FARP2: variants seen among roughly 807,000 people sequenced by gnomAD.
The protein encoded by FARP2 is FERM, ARH/RhoGEF and pleckstrin domain protein 2.
A neutral mutation model predicts 130.5 loss-of-function variants in FARP2; 111 were observed. That is an observed-to-expected ratio of 0.85 (90% CI 0.73 to 1.00). The LOEUF (loss-of-function observed/expected upper bound fraction) is 1.00, where lower values mean the gene tolerates loss of function less well. FARP2 is among the 50% of genes least tolerant of loss of function. The pLI is 0.00. For missense variants in FARP2, 1,385 were observed against 1,346.3 expected, an observed-to-expected ratio of 1.03 and a Z score of -0.45; for synonymous variants, 504 against 516.9, an observed-to-expected ratio of 0.98 and a Z score of 0.34.
At chr2:241,446,262 G>GA (rs1487608346) in intron 13 of FARP2, 2 of 152,118 alleles carry the variant, frequency 1.3e-5, no homozygotes, top group African/African-American at 4.8e-5. Context: ...TATGGAATTA[G>GA]ATTAGGATTC....
rs2063947506 is a variant in FARP2, at chr2:241,459,225, C to T, written c.1587+2303C>T. On this transcript the variant is annotated intron_variant, in intron 14 of 26. Coordinates refer to ENST00000264042, the MANE Select transcript of FARP2 (RefSeq NM_014808.4). This position sits in a 1 kb window ranked among gnomAD's most constrained non-coding sequence, Gnocchi z 5.3. ...GTTCCCACCAGAGTACCCCTCTGTG[C>T]TGACCTCATGAACCAGTGTGCCCAG... is the stretch of plus-strand genomic sequence containing the variant. Among the ~76,000 whole-genome samples the T allele has an allele frequency of 6.6e-6, 1 of 152,242 alleles. No homozygotes were observed. Among genetic ancestry groups the T allele is most frequent in the East Asian group, 1.9e-4 (1 of 5,202 alleles).
chr2:241,397,291 A>G (rs1161922591), intron 2 of FARP2, among the ~76,000 whole-genome samples: 3 of 152,152 alleles, frequency 2.0e-5, no homozygotes, highest in Non-Finnish European at 2.9e-5. Flanking sequence ...ATATGTAACT[A>G]ACCTGCACAT....
chr2:241,404,861 CTTTA>C lies in FARP2; in HGVS notation c.331+21_331+24del, dbSNP rs1408807105. The C allele has an allele frequency of 6.3e-7, 1 of 1,588,096 alleles. No individual in the cohort carries two copies. The highest frequency in any genetic ancestry group is 1.7e-5 in the Admixed American group (1 of 59,940). ...TACGAAGTAAGTCCTTGGTTTGACT[CTTTA>C]AAATCTGTTTGTTTAAGATGTGTTG... On this transcript the variant is annotated intron_variant, in intron 4 of 26. Transcript: ENST00000264042.
chr2:241,410,534 G>A (rs575592538), intron 5 of FARP2, among the ~76,000 whole-genome samples: 3 of 151,682 alleles, frequency 2.0e-5, no homozygotes, highest in Admixed American at 1.3e-4. Flanking sequence ...GGGTTCAGGC[G>A]ATTCTCCTGC....
In FARP2 at chr2:241,475,922, C is replaced by G. The variant is rs1471024782; in HGVS notation, c.2197C>G (p.Leu733Val). 1 of 1,614,080 alleles carries G rather than the reference C, an allele frequency of 6.2e-7. No homozygotes were observed. Among genetic ancestry groups the G allele is most frequent in the South Asian group, 1.1e-5 (1 of 91,066 alleles). The change falls in exon 19 of 27, where the codon CTG becomes GTG. Residue 733 changes from leucine to valine, a missense_variant. Transcript: ENST00000264042. The surrounding 1 kb of genome is among the most constrained non-coding windows in gnomAD (Gnocchi z 4.4). Reference sequence around the variant, plus strand: ...GCACATTCTCATCCGGCTGGAGAACCTGCAGAAGCTAACGGAGCTGCAGCG... The same window carrying G: ...GCACATTCTCATCCGGCTGGAGAACGTGCAGAAGCTAACGGAGCTGCAGCG... ...LQHILIRLEN[L>V]QKLTELQRDL...
chr2:241,424,300 T>G (rs1175079595), intron 8 of FARP2, among the ~76,000 whole-genome samples: 5 of 152,152 alleles, frequency 3.3e-5, no homozygotes, highest in African/African-American at 1.2e-4. Flanking sequence ...AACTCAAGAT[T>G]TAAACATTCA....
intron 1 of FARP2, 26 bp from the exon 2 acceptor site, chr2:241,373,058 T>G: frequency 2.8e-5 from 33 of 1,168,196 alleles, no homozygotes; most frequent in Non-Finnish European, 3.6e-5. Flanking sequence ...AATTCCTTCA[T>G]GTGGTTTTTT....
At chr2:241,356,633 C>T (rs1003991557) in intron 1 of FARP2, among the ~76,000 whole-genome samples, 2 of 152,020 alleles carry the variant, frequency 1.3e-5, no homozygotes, top group Admixed American at 1.3e-4. Context: ...GGCGGTGGGC[C>T]GGGGAGTGGC....
chr2:241,420,141 G>A (rs984595407), intron 8 of FARP2, among the ~76,000 whole-genome samples: 30 of 152,208 alleles, frequency 2.0e-4, no homozygotes, highest in African/African-American at 7.0e-4. Context: ...CCTTGAGTGA[G>A]ACCCTGTCTC....
chr2:241,428,771 A>G (rs1265596653), intron 8 of FARP2, among the ~76,000 whole-genome samples: 1 of 152,188 alleles, frequency 6.6e-6, no homozygotes. Context: ...TCCCAAAAAG[A>G]GACCCTCATA....
chr2:241,444,758 C>A (rs2063474442), intron 13 of FARP2: 1 of 152,136 alleles, frequency 6.6e-6, no homozygotes, highest in African/African-American at 2.4e-5. Context: ...GTTAATGGAA[C>A]CTCACTTTCT....
At chr2:241,471,201 T>C (rs1032225098) in intron 18 of FARP2, 2 of 151,790 alleles carry the variant, frequency 1.3e-5, no homozygotes, top group Non-Finnish European at 2.9e-5. Context: ...GGGACCCTGT[T>C]ATAACGGGAT....
chr2:241,375,896 G>A (rs1575470008), intron 2 of FARP2, among the ~76,000 whole-genome samples: 1 of 152,080 alleles, frequency 6.6e-6, no homozygotes, highest in African/African-American at 2.4e-5. Context: ...CCAGCTTGGG[G>A]TATTTTTTAC....
At chr2:241,446,542 G>A (rs937393298) in intron 13 of FARP2, 2 of 152,168 alleles carry the variant, frequency 1.3e-5, no homozygotes, top group Non-Finnish European at 2.9e-5. Flanking sequence ...TGATCACATG[G>A]TGACATACAT....
In FARP2 at chr2:241,441,333, T is replaced by A. The variant is rs2302015; in HGVS notation, c.1188T>A (p.Thr396=). The A allele has an allele frequency of 0.026, 41,111 of 1,609,934 alleles. 4,700 individuals carry two copies. The Admixed American group carries it at 0.31, about 12-fold the overall frequency. The change falls in exon 13 of 27, where the codon ACT becomes ACA. Residue 396 remains threonine (T), a synonymous_variant. Transcript: ENST00000264042. ...QSISFPEGLR[T]PASPSSANAF... ...TCTCATTCCCCGAGGGATTGAGGAC[T>A]CCTGCCTCCCCATCTTCAGCGAATG... is the stretch of plus-strand genomic sequence containing the variant.
rs373784269 is a variant in FARP2, at chr2:241,356,673, G to T, written c.-25+285G>T. Among the ~76,000 whole-genome samples the T allele has an allele frequency of 4.2e-4, 64 of 151,840 alleles. No homozygotes were observed. The East Asian group carries it at 0.012, about 28-fold the overall frequency. On this transcript the variant is annotated intron_variant, in intron 1 of 26. Transcript: ENST00000264042. Reference sequence around the variant, plus strand: ...GTGGACTCCCGGGTTGAGGGGTGCCGCGTGGAGGAGGCCGGTGGGGCTGTA... The same window carrying T: ...GTGGACTCCCGGGTTGAGGGGTGCCTCGTGGAGGAGGCCGGTGGGGCTGTA...
Position 241,491,680 on chromosome 2 carries a change from G to C in FARP2, c.2787+1G>C. 1 of 1,592,354 alleles carries C rather than the reference G, an allele frequency of 6.3e-7. No homozygotes were observed. Among genetic ancestry groups the C allele is most frequent in the Non-Finnish European group, 8.6e-7 (1 of 1,166,882 alleles). ...GGCAGACCACAGTGCAGCTGTCGAG[G>C]TACGACCGCATGAGCACCACCTCAG... On this transcript the variant is annotated splice_donor_variant, in intron 24 of 26. Coordinates refer to ENST00000264042, the MANE Select transcript of FARP2 (RefSeq NM_014808.4). LOFTEE classifies it high-confidence loss of function.
At chr2:241,389,657 AC>A (rs2061863246) in intron 2 of FARP2, among the ~76,000 whole-genome samples, 1 of 152,250 alleles carries the variant, frequency 6.6e-6, no homozygotes, top group East Asian at 1.9e-4. Flanking sequence ...TCTTTGAATA[AC>A]AGTTGTCTTT....
At chr2:241,466,456 G>A (rs1014127104) in intron 17 of FARP2, 14 of 985,310 alleles carry the variant, frequency 1.4e-5, no homozygotes, top group Non-Finnish European at 1.6e-5. Flanking sequence ...CAGGCAGGCC[G>A]GGGACCAGCA....
Sources: gnomAD v4.1 joint callset for allele counts (sites outside exome capture counted in the v4.1 genomes callset) on GRCh38, gnomAD v4.1.1 for gene constraint, Gnocchi (gnomAD v3.1) non-coding constraint, MANE v1.5 for transcripts, NCBI Gene and HGNC (gene_info 2026-07-23, HGNC 2026-07-21) for gene names.